The following RALGAPB variants were observed in gnomAD, a reference collection of about 807,000 sequenced individuals.
RALGAPB encodes ral GTPase-activating protein subunit beta.
RALGAPB carries 25 observed loss-of-function variants against 161.1 expected under a neutral mutation model. The observed-to-expected ratio is 0.16, with a 90% CI of 0.11 to 0.22. The LOEUF (loss-of-function observed/expected upper bound fraction) is 0.22, where lower values mean the gene tolerates loss of function less well. Among genes scored for constraint, RALGAPB ranks in the 10% least tolerant of loss-of-function variants. The pLI, the probability that RALGAPB is intolerant of heterozygous loss-of-function variation, is 1.00. For missense variants in RALGAPB, 1,391 were observed against 1,815.2 expected (o/e 0.77, Z 4.25); for synonymous variants, 629 against 626.1 (o/e 1.00, Z -0.07).
intron 1 of RALGAPB, among the ~76,000 whole-genome samples, chr20:38,483,946 TTTGGGAG>T (rs2085046258): frequency 6.6e-6 from 1 of 152,080 alleles, no homozygotes; most frequent in Non-Finnish European, 1.5e-5. Context: ...ATCCCAGCAC[TTTGGGAG>T]GCCGAGGTGG....
chr20:38,558,649 G>T (rs2087679957), intron 23 of RALGAPB, among the ~76,000 whole-genome samples, 196 bp downstream of exon 23: 2 of 152,316 alleles, frequency 1.3e-5, no homozygotes, highest in Admixed American at 6.5e-5. Flanking sequence ...GATGAGTCAG[G>T]AGAGTAGGCA....
chr20:38,478,370 T>A (rs2122812371), intron 1 of RALGAPB, among the ~76,000 whole-genome samples: 1 of 152,366 alleles, frequency 6.6e-6, no homozygotes, highest in Non-Finnish European at 1.5e-5. Flanking sequence ...AAAAGCTCTT[T>A]GAAAATGATA....
chr20:38,538,174 C>G (rs2086864683), intron 16 of RALGAPB: 1 of 159,930 alleles, frequency 6.3e-6, no homozygotes, highest in Non-Finnish European at 1.4e-5. Context: ...CAGCGAAACT[C>G]TAAGGACAGA....
At chr20:38,528,656 A>G (rs1404259390) in intron 13 of RALGAPB, among the ~76,000 whole-genome samples, 2 of 151,042 alleles carry the variant, frequency 1.3e-5, no homozygotes, top group East Asian at 1.9e-4. Flanking sequence ...GGTGTGAGCC[A>G]CTGTGCCTGG....
chr20:38,556,947 T>C (rs1475908611), intron 22 of RALGAPB, among the ~76,000 whole-genome samples: 1 of 152,220 alleles, frequency 6.6e-6, no homozygotes, highest in East Asian at 1.9e-4. Flanking sequence ...TACACTTATG[T>C]TTGACTGCAG....
In RALGAPB at chr20:38,548,700, C is replaced by T; in HGVS notation, c.2914C>T (p.Pro972Ser). 1 of 1,611,094 alleles carries T rather than the reference C, an allele frequency of 6.2e-7. No individual in the cohort carries two copies. The highest frequency in any genetic ancestry group is 8.5e-7 in the Non-Finnish European group (1 of 1,178,238). ...ATATTTTATTCTAGATGATTTTTTC[C>T]CCTCTGTCACTGTGCTGGTCCGGGG... ...PLGNEQNDFF[P>S]SVTVLVRGMS... The change falls in exon 20 of 30, where the codon CCC becomes TCC. Residue 972 changes from proline (P) to serine (S), a missense_variant. By Grantham distance (74) the Pro-to-Ser change is moderately conservative (BLOSUM62 -1). This residue lies in a region of RALGAPB where 946 missense variants were observed against 1,257.2 expected (regional missense o/e 0.75). Transcript: ENST00000262879.
chr20:38,523,538 C>T (rs1415726627), intron 10 of RALGAPB, among the ~76,000 whole-genome samples: 1 of 152,124 alleles, frequency 6.6e-6, no homozygotes, highest in African/African-American at 2.4e-5. Context: ...ATTTGAAGTG[C>T]CTATGGGATA....
At chr20:38,516,085 C>G in intron 6 of RALGAPB, 107 bp from the exon 7 acceptor site, 1 of 831,300 alleles carries the variant, frequency 1.2e-6, no homozygotes, top group Non-Finnish European at 1.8e-6. Flanking sequence ...AGTCTCTTTT[C>G]TGAATCAGAG....
chr20:38,571,981 G>A (rs2088257211), intron 28 of RALGAPB, among the ~76,000 whole-genome samples: 1 of 152,010 alleles, frequency 6.6e-6, no homozygotes, highest in African/African-American at 2.4e-5. Context: ...TTTAGCAGGA[G>A]TTTTAATAGT....
rs1034907069 is a variant in RALGAPB at position 38,500,791 on chromosome 20, G to A, written c.740+1158G>A. On this transcript the variant is annotated intron_variant, in intron 5 of 29. Transcript: ENST00000262879. ...TAAACATGCTACACCACTGAACACA[G>A]GAATGATAAGAAAGCAAAACAGGCT... Among the ~76,000 whole-genome samples the A allele has an allele frequency of 2.0e-5, 3 of 152,188 alleles. No homozygotes were observed. In the South Asian group the frequency reaches 6.2e-4, roughly 31 times the overall value.
chr20:38,536,360 TA>T (rs1245258596), intron 16 of RALGAPB, among the ~76,000 whole-genome samples: 1 of 152,244 alleles, frequency 6.6e-6, no homozygotes, highest in African/African-American at 2.4e-5. Context: ...TACCCCAGTT[TA>T]CCCATTTATC....
chr20:38,499,762 CT>C, intron 5 of RALGAPB, 129 bp downstream of exon 5: 1 of 798,668 alleles, frequency 1.3e-6, no homozygotes, highest in South Asian at 3.3e-5. Flanking sequence ...AATTGAGCCA[CT>C]TTTTAAATAT....
intron 17 of RALGAPB, among the ~76,000 whole-genome samples, chr20:38,540,592 C>G (rs1353232134): frequency 6.6e-6 from 1 of 152,032 alleles, no homozygotes; most frequent in Non-Finnish European, 1.5e-5. Flanking sequence ...AGTTGTAATA[C>G]CAGAAATTAC....
rs560078720 is a variant in RALGAPB at position 38,553,364 on chromosome 20, C to G, written c.3163-503C>G. 2.0e-5 allele frequency among the ~76,000 whole-genome samples: 3 copies of G among 152,236 alleles called. No individual in the cohort carries two copies. The East Asian group carries it at 5.8e-4, about 29-fold the overall frequency. On this transcript the variant is annotated intron_variant, in intron 21 of 29. Coordinates refer to ENST00000262879, the MANE Select transcript of RALGAPB (RefSeq NM_020336.4). Reference sequence around the variant, plus strand: ...CAGATGAGGAATTAAACACAGGGAGCACGTCAGGGTGAAGATGGACAGTGA... The same window carrying G: ...CAGATGAGGAATTAAACACAGGGAGGACGTCAGGGTGAAGATGGACAGTGA...
intron 28 of RALGAPB, among the ~76,000 whole-genome samples, chr20:38,572,499 T>C (rs2088277297): frequency 1.3e-5 from 2 of 152,220 alleles, no homozygotes; most frequent in South Asian, 4.1e-4. Context: ...CCTGCATCTC[T>C]CTCATCACAG....
At chr20:38,509,036 C>G in intron 5 of RALGAPB, 41 bp from the exon 6 acceptor site, 1 of 1,594,672 alleles carries the variant, frequency 6.3e-7, no homozygotes, top group Non-Finnish European at 8.6e-7. Flanking sequence ...ATTTTTCAAT[C>G]TGTTAAGAAA....
chr20:38,499,922 G>A (rs114955060), intron 5 of RALGAPB: 1 of 198,186 alleles, frequency 5.0e-6, no homozygotes, highest in African/African-American at 2.3e-5. Flanking sequence ...ATTAAAATAT[G>A]CCTAATCATT....
rs1458734297 is a variant in RALGAPB, at chr20:38,575,740, A to G, written c.*773A>G. 6.6e-6 allele frequency: 1 copy of G among 152,272 alleles called. No homozygotes were observed. Among genetic ancestry groups the G allele is most frequent in the Non-Finnish European group, 1.5e-5 (1 of 68,026 alleles). The allele number at this position is 152,272 out of a possible 1,614,324, so 9.4% of individuals were successfully genotyped here. ...ACAGCAGTGATACCCCACTCTCTCCATTATTGTCCAGCGGGGTGACATAAT... is the reference window on the plus strand; with the variant it reads ...ACAGCAGTGATACCCCACTCTCTCCGTTATTGTCCAGCGGGGTGACATAAT... On this transcript the variant is annotated 3_prime_UTR_variant, in exon 30 of 30. Transcript: ENST00000262879.
chr20:38,575,060 A>T lies in RALGAPB; in HGVS notation c.*93A>T. Reference sequence around the variant, plus strand: ...GTGATCACTGTAAAAATAAAAACAAATCACTCCCAAGAGCTTACTGTTTAA... The same window carrying T: ...GTGATCACTGTAAAAATAAAAACAATTCACTCCCAAGAGCTTACTGTTTAA... On this transcript the variant is annotated 3_prime_UTR_variant, in exon 30 of 30. Transcript: ENST00000262879. 9.4e-7 allele frequency: 1 copy of T among 1,065,538 alleles called. No individual in the cohort carries two copies. Among genetic ancestry groups the T allele is most frequent in the South Asian group, 1.4e-5 (1 of 71,728 alleles). The allele number at this position is 1,065,538 out of a possible 1,614,324, so 66.0% of individuals were successfully genotyped here. A position where few individuals can be genotyped will look rare whatever the true frequency, so the allele number is the denominator to read the frequency against.
Sources: allele counts gnomAD v4.1 joint callset (sites outside exome capture counted in the v4.1 genomes callset), GRCh38; gene constraint gnomAD v4.1.1; regional missense constraint gnomAD v4.1.1; transcripts MANE v1.5; gene names NCBI Gene and HGNC (gene_info 2026-07-23, HGNC 2026-07-21).